The following USP9Y variants were observed in gnomAD, a reference collection of about 807,000 sequenced individuals.
USP9Y encodes ubiquitin carboxyl-terminal hydrolase 9Y.
A neutral mutation model predicts 53.1 loss-of-function variants in USP9Y; 41 were observed. The observed-to-expected ratio is 0.77, with a 90% CI of 0.60 to 1.00. The LOEUF is 1.00. Among genes scored for constraint, USP9Y ranks in the 50% least tolerant of loss-of-function variants. The pLI, the probability that USP9Y is intolerant of heterozygous loss-of-function variation, is 0.00. For missense variants in USP9Y, 567 were observed against 535.8 expected (o/e 1.06, Z -0.58); for synonymous variants, 220 against 173.7 (o/e 1.27, Z -2.09).
At chrY:12,744,494 C>T in intron 12 of USP9Y, among the ~76,000 whole-genome samples, 1 of 33,625 alleles carries the variant, frequency 3.0e-5, no homozygotes. Flanking sequence ...CTTTGCTTCT[C>T]CCTCATTCCC....
At chrY:12,830,430 T>C (rs2053549990) in intron 33 of USP9Y, among the ~76,000 whole-genome samples, 2 of 33,796 alleles carry the variant, frequency 5.9e-5, no homozygotes, top group Non-Finnish European at 1.5e-4. Context: ...TCTAAGAATA[T>C]GTGCATGATT....
At chrY:12,806,150 GTTT>G (rs2053524209) in intron 27 of USP9Y, among the ~76,000 whole-genome samples, 1 of 31,520 alleles carries the variant, frequency 3.2e-5, no homozygotes, top group African/African-American at 1.2e-4. Context: ...TTAAAAATTT[GTTT>G]TTTAAAAAAA....
intron 14 of USP9Y, among the ~76,000 whole-genome samples, chrY:12,760,046 C>T (rs35285796): frequency 2.3e-3 from 77 of 33,729 alleles, no homozygotes; most frequent in Non-Finnish European, 3.1e-3. Flanking sequence ...CATACACTTT[C>T]TTAAGACTGG....
Position 12,856,382 on chromosome Y carries a change from G to T in USP9Y, c.7107G>T (p.Gly2369=). Residue 2369 remains glycine (G), a synonymous_variant, in exon 43 of 46, where the codon GGG becomes GGT. Transcript: ENST00000338981. ...AAGGAATTCCAGATGACAGAGATGG[G>T]CTGTTCGATACAATACAGCGCTCGA... ...ALKGIPDDRD[G]LFDTIQRSKN... 1 of 395,737 alleles carries T rather than the reference G, an allele frequency of 2.5e-6. No individual in the cohort carries two copies. The highest frequency in any genetic ancestry group is 3.5e-6 in the Non-Finnish European group (1 of 282,547).
intron 42 of USP9Y, among the ~76,000 whole-genome samples, chrY:12,848,995 A>G (rs1015173150): frequency 1.8e-4 from 6 of 33,604 alleles, no homozygotes; most frequent in South Asian, 1.3e-3. Flanking sequence ...TTCTGTGAAG[A>G]AAGTTATTGG....
chrY:12,767,962 C>T, intron 15 of USP9Y, among the ~76,000 whole-genome samples: 1 of 32,217 alleles, frequency 3.1e-5, no homozygotes, highest in Non-Finnish European at 7.5e-5. Context: ...GATTCTCCTG[C>T]GTCAGCCTTC....
At chrY:12,825,950 A>G in intron 33 of USP9Y, among the ~76,000 whole-genome samples, 1 of 24,676 alleles carries the variant, frequency 4.1e-5, no homozygotes, top group South Asian at 9.3e-4. Flanking sequence ...TTTCTTTTCT[A>G]TTTGAAATGG....
Position 12,856,344 on chromosome Y carries a change from C to A in USP9Y, c.7069C>A (p.His2357Asn). ...IEDSWQTHRI[H>N]NALKGIPDDR... Reference sequence around the variant, plus strand: ...TTACATCTGCTTCTGTTTTAGAATTCATAATGCACTTAAAGGAATTCCAGA... The same window carrying A: ...TTACATCTGCTTCTGTTTTAGAATTAATAATGCACTTAAAGGAATTCCAGA... Residue 2357 changes from histidine (H) to asparagine (N), a missense_variant, in exon 43 of 46, where the codon CAT becomes AAT. Coordinates refer to ENST00000338981, the MANE Select transcript of USP9Y (RefSeq NM_004654.4). 1 of 395,042 alleles carries A rather than the reference C, an allele frequency of 2.5e-6. No individual in the cohort carries two copies. Among genetic ancestry groups the A allele is most frequent in the Non-Finnish European group, 3.5e-6 (1 of 281,974 alleles).
At chrY:12,779,217 G>A in intron 21 of USP9Y, among the ~76,000 whole-genome samples, 1 of 32,581 alleles carries the variant, frequency 3.1e-5, no homozygotes, top group East Asian at 8.0e-4. Context: ...GGAGTGAGGT[G>A]CCTTTTGTAT....
chrY:12,735,237 A>G (rs2053450487), intron 7 of USP9Y, among the ~76,000 whole-genome samples: 1 of 32,656 alleles, frequency 3.1e-5, no homozygotes, highest in Non-Finnish European at 7.5e-5. Context: ...CATTCTTTTC[A>G]TAACTTCTGA....
Position 12,778,702 on chromosome Y carries a change from A to G in USP9Y, c.2977A>G (p.Asn993Asp), listed in dbSNP as rs1271273919. The G allele has an allele frequency of 2.5e-6, 1 of 397,745 alleles. No individual in the cohort carries two copies. The highest frequency in any genetic ancestry group is 3.0e-5 in the South Asian group (1 of 33,783). ...SSTASPGNHR[N>D]HYNDGPNLEV... ...AACTGCATCTCCTGGAAACCACCGT[A>G]ATCATTACAATGATGGTCCCAATCT... Residue 993 changes from asparagine (N) to aspartate (D), a missense_variant, in exon 21 of 46, where the codon AAT (asparagine) becomes GAT (aspartate). Coordinates refer to ENST00000338981, the MANE Select transcript of USP9Y (RefSeq NM_004654.4).
intron 45 of USP9Y, among the ~76,000 whole-genome samples, chrY:12,858,200 T>C (rs761629225): frequency 3.0e-5 from 1 of 33,769 alleles, no homozygotes; most frequent in Non-Finnish European, 7.3e-5. Context: ...ATGTGGCTAA[T>C]GCAGTCATTT....
At chrY:12,717,783 C>A (rs535409202) in intron 3 of USP9Y, among the ~76,000 whole-genome samples, 6 of 33,163 alleles carry the variant, frequency 1.8e-4, no homozygotes, top group African/African-American at 7.0e-4. Context: ...GAGAATATAA[C>A]TATTTTCTCA....
At position 12,857,677 on chromosome Y, in the gene USP9Y, C is replaced by G; in HGVS notation, c.7530+16C>G. Reference sequence around the variant, plus strand: ...GTATCAACAGGTAAAAAGGATTTTTCATTTTTATCCCCCAAACCCATTTTG... The same window carrying G: ...GTATCAACAGGTAAAAAGGATTTTTGATTTTTATCCCCCAAACCCATTTTG... On this transcript the variant is annotated intron_variant, in intron 45 of 45. Transcript: ENST00000338981. 1 of 337,001 alleles carries G rather than the reference C, an allele frequency of 3.0e-6. No homozygotes were observed. The highest frequency in any genetic ancestry group is 4.3e-6 in the Non-Finnish European group (1 of 233,755). 84.1% of individuals were successfully genotyped at this position (337,001 alleles called of 400,897 possible).
Position 12,760,508 on chromosome Y carries a change from A to G in USP9Y, c.1791A>G (p.Ile597Met). The change falls in exon 15 of 46, where the codon ATA becomes ATG. Residue 597 changes from isoleucine (I) to methionine (M), a missense_variant. Coordinates refer to ENST00000338981, the MANE Select transcript of USP9Y (RefSeq NM_004654.4). The part of the protein sequence containing the change: ...NLSQTQRSPH[I>M]FYRHDLINQL... The stretch of plus-strand genomic sequence containing the variant: ...GTCAAACTCAGCGAAGTCCCCACAT[A>G]TTTTATCGCCATGATTTAATCAACC... 1 of 398,192 alleles carries G rather than the reference A, an allele frequency of 2.5e-6. No individual in the cohort carries two copies. Among genetic ancestry groups the G allele is most frequent in the Non-Finnish European group, 3.5e-6 (1 of 283,111 alleles).
chrY:12,756,561 T>G, intron 12 of USP9Y, among the ~76,000 whole-genome samples: 1 of 33,583 alleles, frequency 3.0e-5, no homozygotes, highest in African/African-American at 1.2e-4. Context: ...TCAGGGACTA[T>G]TTTCTTCCCT....
chrY:12,763,103 A>C (rs761874022), intron 15 of USP9Y, among the ~76,000 whole-genome samples: 1 of 33,688 alleles, frequency 3.0e-5, no homozygotes, highest in African/African-American at 1.2e-4. Flanking sequence ...TCTGATAATC[A>C]TTTCATTAGT....
chrY:12,786,364 T>C, intron 23 of USP9Y, 31 bp downstream of exon 23: 3 of 396,379 alleles, frequency 7.6e-6, no homozygotes, highest in Non-Finnish European at 1.1e-5. Flanking sequence ...AAATGTAATT[T>C]TTATATTATA....
Position 12,843,070 on chromosome Y carries a change from G to A in USP9Y, c.6445G>A (p.Asp2149Asn). 2.5e-6 allele frequency: 1 copy of A among 397,628 alleles called. No individual in the cohort carries two copies. The highest frequency in any genetic ancestry group is 3.5e-6 in the Non-Finnish European group (1 of 282,651). ...ASPGPSSQAC[D>N]NLSLSDHLLR... ...AATATTTCATTTTTCACAGGCATGTGATAACTTGAGCTTGAGTGACCACTT... is the reference window on the plus strand; with the variant it reads ...AATATTTCATTTTTCACAGGCATGTAATAACTTGAGCTTGAGTGACCACTT... The change falls in exon 39 of 46, where the codon GAT (aspartate) becomes AAT (asparagine). Residue 2149 changes from aspartate to asparagine, a missense_variant. Physicochemically the swap from Asp to Asn is conservative, Grantham distance 23. Transcript: ENST00000338981.
Sources: gnomAD v4.1 joint callset for allele counts (sites outside exome capture counted in the v4.1 genomes callset) on GRCh38, gnomAD v4.1.1 for gene constraint, MANE v1.5 for transcripts, NCBI Gene and HGNC (gene_info 2026-07-23, HGNC 2026-07-21) for gene names.